Variants in IGFBP7 observed in about 807,000 individuals in gnomAD.
IGFBP7 encodes the protein insulin like growth factor binding protein 7.
A neutral mutation model predicts 29.4 loss-of-function variants in IGFBP7; 31 were observed. The ratio of observed to expected loss-of-function variants is 1.05; its 90% CI spans 0.79 to 1.42. The LOEUF (loss-of-function observed/expected upper bound fraction) is 1.42. Among genes scored for constraint, IGFBP7 ranks in the 40% most tolerant of loss-of-function variants. The probability of loss-of-function intolerance (pLI) is 0.00; values close to 1 mark genes in which losing one functional copy is unlikely to be tolerated. For synonymous variants in IGFBP7, 172 were observed against 174.9 expected (o/e 0.98, Z 0.13); for missense variants, 393 against 395.5 (o/e 0.99, Z 0.05).
intron 1 of IGFBP7, among the ~76,000 whole-genome samples, chr4:57,093,021 G>T (rs1373099029): frequency 2.6e-5 from 4 of 151,996 alleles, no homozygotes; most frequent in Non-Finnish European, 5.9e-5. Context: ...AAAAAAACTA[G>T]AATGGAATAC....
chr4:57,075,290 C>A (rs1725194443), intron 1 of IGFBP7, among the ~76,000 whole-genome samples: 1 of 152,186 alleles, frequency 6.6e-6, no homozygotes, highest in Non-Finnish European at 1.5e-5. Flanking sequence ...ATAAGCTCTG[C>A]CTTCAAAGGA....
intron 1 of IGFBP7, among the ~76,000 whole-genome samples, chr4:57,106,954 G>C (rs1726050029): frequency 6.6e-6 from 1 of 152,124 alleles, no homozygotes; most frequent in Non-Finnish European, 1.5e-5. Flanking sequence ...TCCAAGATTT[G>C]AAATTATTTG....
chr4:57,045,321 C>G (rs1724332922), intron 1 of IGFBP7, among the ~76,000 whole-genome samples: 1 of 152,200 alleles, frequency 6.6e-6, no homozygotes, highest in African/African-American at 2.4e-5. Context: ...CAGTTTGCTG[C>G]ACAACATTTA....
intron 1 of IGFBP7, 171 bp downstream of exon 1, chr4:57,109,706 G>T: frequency 1.3e-6 from 1 of 770,724 alleles, no homozygotes; most frequent in Non-Finnish European, 1.9e-6. Context: ...GTCGCCCACC[G>T]CTCCTGGCAT....
At chr4:57,058,712 C>A (rs1443831632) in intron 1 of IGFBP7, among the ~76,000 whole-genome samples, 1 of 152,102 alleles carries the variant, frequency 6.6e-6, no homozygotes, top group Admixed American at 6.6e-5. Flanking sequence ...ACAAAGACAC[C>A]AAAAGCAATT....
intron 1 of IGFBP7, among the ~76,000 whole-genome samples, chr4:57,073,573 G>A (rs951104324): frequency 4.8e-4 from 68 of 142,316 alleles, no homozygotes; most frequent in Non-Finnish European, 1.5e-4. Context: ...TCCAGCATGG[G>A]TGACAGAGTG....
chr4:57,097,128 T>C (rs1725780762), intron 1 of IGFBP7, among the ~76,000 whole-genome samples: 1 of 152,228 alleles, frequency 6.6e-6, no homozygotes, highest in African/African-American at 2.4e-5. Context: ...AAAATACTGG[T>C]AGAATATCCA....
At chr4:57,103,977 C>T (rs923218638) in intron 1 of IGFBP7, among the ~76,000 whole-genome samples, 6 of 152,064 alleles carry the variant, frequency 3.9e-5, no homozygotes, top group Non-Finnish European at 7.4e-5. Flanking sequence ...CTTGTGTGTC[C>T]TTTGACCAAC....
chr4:57,107,491 G>C (rs1726062562), intron 1 of IGFBP7, among the ~76,000 whole-genome samples: 1 of 152,162 alleles, frequency 6.6e-6, no homozygotes. Context: ...TTCTATGATT[G>C]TCAAAACCCA....
chr4:57,059,871 T>A (rs1384108171), intron 1 of IGFBP7, among the ~76,000 whole-genome samples: 5 of 152,356 alleles, frequency 3.3e-5, no homozygotes, highest in African/African-American at 1.2e-4. Context: ...GTTGAATTAA[T>A]TCCTTAAGGG....
At chr4:57,042,153 T>C (rs1481385619) in intron 1 of IGFBP7, among the ~76,000 whole-genome samples, 1 of 152,038 alleles carries the variant, frequency 6.6e-6, no homozygotes, top group East Asian at 1.9e-4. Flanking sequence ...CCACCTTCTG[T>C]ATCATGGCAC....
chr4:57,085,654 AC>A (rs1725480363), intron 1 of IGFBP7, among the ~76,000 whole-genome samples: 1 of 150,866 alleles, frequency 6.6e-6, no homozygotes, highest in African/African-American at 2.4e-5. Flanking sequence ...TCTCTCTCTC[AC>A]TCTTCTCTTA....
intron 2 of IGFBP7, among the ~76,000 whole-genome samples, chr4:57,035,357 A>G (rs1724057162): frequency 6.6e-6 from 1 of 152,250 alleles, no homozygotes; most frequent in South Asian, 2.1e-4. Flanking sequence ...ATCATGTAGA[A>G]AACATAGAAA....
chr4:57,043,946 C>T (rs920652874), intron 1 of IGFBP7, among the ~76,000 whole-genome samples: 2 of 152,220 alleles, frequency 1.3e-5, no homozygotes. Flanking sequence ...CCTTCGCCCA[C>T]CTCTCTGATG....
rs1724208291 is a variant in IGFBP7, at chr4:57,040,937, C to A, written c.476-4G>T. 4 of 1,593,270 alleles carry A rather than the reference C, an allele frequency of 2.5e-6. 1 individual carries two copies. Among genetic ancestry groups the A allele is most frequent in the South Asian group, 2.2e-5 (2 of 90,610 alleles). On this transcript the variant is annotated splice_region_variant and splice_polypyrimidine_tract_variant and intron_variant, in intron 1 of 4. Transcript: ENST00000295666. Reference sequence around the variant, plus strand: ...GGGGGCGTCACTATGGAAGGACCTGCAGGAGAGGGCACAAAGCCAAAGTCA... The same window carrying A: ...GGGGGCGTCACTATGGAAGGACCTGAAGGAGAGGGCACAAAGCCAAAGTCA...
chr4:57,064,877 A>G (rs1724882115), intron 1 of IGFBP7, among the ~76,000 whole-genome samples: 1 of 152,270 alleles, frequency 6.6e-6, no homozygotes, highest in African/African-American at 2.4e-5. Flanking sequence ...TCTGTTCTCA[A>G]TTGGCTGGCT....
At chr4:57,108,226 G>A (rs1230361445) in intron 1 of IGFBP7, among the ~76,000 whole-genome samples, 1 of 152,194 alleles carries the variant, frequency 6.6e-6, no homozygotes, top group Non-Finnish European at 1.5e-5. Context: ...CACAATTTAA[G>A]GCTTTCAATA....
At chr4:57,032,635 AT>A in intron 3 of IGFBP7, 83 bp from the exon 4 acceptor site, 1 of 1,093,900 alleles carries the variant, frequency 9.1e-7, no homozygotes, top group Non-Finnish European at 1.4e-6. Context: ...TATTTCATAA[AT>A]TTCCTAAGAT....
chr4:57,099,938 T>C (rs1012672503), intron 1 of IGFBP7, among the ~76,000 whole-genome samples: 1 of 152,184 alleles, frequency 6.6e-6, no homozygotes, highest in African/African-American at 2.4e-5. Flanking sequence ...TCTCACACTA[T>C]GTTGCCAGGG....
Sources: allele counts gnomAD v4.1 joint callset (sites outside exome capture counted in the v4.1 genomes callset), GRCh38; gene constraint gnomAD v4.1.1; transcripts MANE v1.5; gene names NCBI Gene and HGNC (gene_info 2026-07-23, HGNC 2026-07-21).